PRKAG2: variants seen among roughly 807,000 people sequenced by gnomAD.
PRKAG2 encodes the protein protein kinase AMP-activated non-catalytic subunit gamma 2.
PRKAG2 carries 26 observed loss-of-function variants against 69.6 expected under a neutral mutation model. The ratio of observed to expected loss-of-function variants is 0.37; its 90% confidence interval spans 0.27 to 0.52. The LOEUF (loss-of-function observed/expected upper bound fraction) is 0.52. PRKAG2 is among the 20% of genes least tolerant of loss of function. PRKAG2 has a pLI of 0.90. For missense variants in PRKAG2, 557 were observed against 740.0 expected, an observed-to-expected ratio of 0.75 and a Z score of 2.87; for synonymous variants, 293 against 285.0, an observed-to-expected ratio of 1.03 and a Z score of -0.28.
At chr7:151,863,164 G>T (rs2079979052) in intron 1 of PRKAG2, among the ~76,000 whole-genome samples, 1 of 151,460 alleles carries the variant, frequency 6.6e-6, no homozygotes, top group African/African-American at 2.4e-5. Flanking sequence ...GGTACAGGGG[G>T]CGCTGGTAGA....
At chr7:151,786,402 C>T in intron 2 of PRKAG2, 68 bp downstream of exon 2, 1 of 1,451,002 alleles carries the variant, frequency 6.9e-7, no homozygotes, top group South Asian at 1.2e-5. Flanking sequence ...TGGAAGTGGG[C>T]TCAGGCTCTG....
Position 151,828,368 on chromosome 7 carries a change from C to T in PRKAG2, c.115-41827G>A, listed in dbSNP as rs2078954730. ...GGTCTATGTTGTATTCATCTCTGCA[C>T]AGTTCCTGATAGACAGTGCATGCTC... On this transcript the variant is annotated intron_variant, in intron 1 of 15. Coordinates refer to ENST00000287878, the MANE Select transcript of PRKAG2 (RefSeq NM_016203.4). The surrounding 1 kb of genome is among the most constrained non-coding windows in gnomAD (Gnocchi z 4.6). Among the ~76,000 whole-genome samples the T allele has an allele frequency of 6.6e-6, 1 of 152,182 alleles. No homozygotes were observed. The highest frequency in any genetic ancestry group is 2.4e-5 in the African/African-American group (1 of 41,442).
chr7:151,803,146 T>TG (rs771242272), intron 1 of PRKAG2, among the ~76,000 whole-genome samples: 1 of 151,754 alleles, frequency 6.6e-6, no homozygotes, highest in Non-Finnish European at 1.5e-5. Flanking sequence ...TTAGTAGAGA[T>TG]GGGGTTTCAC....
intron 3 of PRKAG2, among the ~76,000 whole-genome samples, chr7:151,706,789 C>T (rs911604606): frequency 2.6e-5 from 4 of 152,238 alleles, no homozygotes; most frequent in Non-Finnish European, 2.9e-5. Flanking sequence ...GAATACGTTC[C>T]GGCAATGGCT....
At chr7:151,713,738 C>A (rs1247614499) in intron 3 of PRKAG2, among the ~76,000 whole-genome samples, 1 of 151,982 alleles carries the variant, frequency 6.6e-6, no homozygotes, top group Admixed American at 6.6e-5. Flanking sequence ...GGCCACCACA[C>A]CCAGTTAATT....
At chr7:151,875,565 GTGTGT>G (rs1563774126) in intron 1 of PRKAG2, among the ~76,000 whole-genome samples, 1,060 of 41,448 alleles carry the variant, frequency 0.026, 9 homozygotes, top group Non-Finnish European at 0.039. Context: ...GCACTCTGGT[GTGTGT>G]GTGTGTGTGT....
At chr7:151,782,251 C>A (rs1311287970) in intron 2 of PRKAG2, among the ~76,000 whole-genome samples, 3 of 150,770 alleles carry the variant, frequency 2.0e-5, no homozygotes, top group African/African-American at 7.3e-5. Flanking sequence ...CCATTGCACT[C>A]CAGCCTGGGC....
intron 1 of PRKAG2, among the ~76,000 whole-genome samples, chr7:151,873,975 T>C (rs2080282231): frequency 1.3e-5 from 2 of 149,720 alleles, no homozygotes; most frequent in African/African-American, 5.0e-5. Flanking sequence ...TATATGTATA[T>C]GATGTATATG....
At chr7:151,603,168 C>T (rs1281072684) in intron 5 of PRKAG2, among the ~76,000 whole-genome samples, 4 of 143,068 alleles carry the variant, frequency 2.8e-5, no homozygotes, top group African/African-American at 1.1e-4. Context: ...CCGTCCTCAC[C>T]GCACACGGAG....
chr7:151,785,927 C>T (rs895132561), intron 2 of PRKAG2, among the ~76,000 whole-genome samples: 3 of 152,146 alleles, frequency 2.0e-5, no homozygotes, highest in Non-Finnish European at 4.4e-5. Context: ...ACACTAGTTT[C>T]CTAATGGGAG....
intron 10 of PRKAG2, among the ~76,000 whole-genome samples, chr7:151,569,342 G>T (rs749992382): frequency 6.6e-6 from 1 of 152,266 alleles, no homozygotes; most frequent in African/African-American, 2.4e-5. Flanking sequence ...GCCAGGAAGA[G>T]GAGTTTTTTT....
rs573985250 is a variant in PRKAG2, at chr7:151,860,864, G to A, written c.114+15643C>T. ...CATGCCATGACCCTACTGGGGTCAC[G>A]TTAGGCTTGTGGTAGAGGGAGGTGC... On this transcript the variant is annotated intron_variant, in intron 1 of 15. Transcript: ENST00000287878. Among the ~76,000 whole-genome samples, 9 of 152,226 alleles carry A rather than the reference G, an allele frequency of 5.9e-5. No homozygotes were observed. In the East Asian group the frequency reaches 9.6e-4, roughly 16 times the overall value.
chr7:151,713,992 C>A (rs1215585461), intron 3 of PRKAG2, among the ~76,000 whole-genome samples: 1 of 152,124 alleles, frequency 6.6e-6, no homozygotes, highest in South Asian at 2.1e-4. Context: ...TTTGGGGGTT[C>A]AAGTCCAAGA....
At chr7:151,687,499 T>A (rs1036945814) in intron 3 of PRKAG2, among the ~76,000 whole-genome samples, 4 of 152,226 alleles carry the variant, frequency 2.6e-5, no homozygotes, top group African/African-American at 7.2e-5. Context: ...ATTTGTGGAA[T>A]CACAAAAGCA....
intron 1 of PRKAG2, among the ~76,000 whole-genome samples, chr7:151,865,119 G>A (rs1323137584): frequency 1.3e-5 from 2 of 152,234 alleles, no homozygotes; most frequent in African/African-American, 4.8e-5. Flanking sequence ...TCCACAGGCA[G>A]AGTCTGTCCC....
chr7:151,778,980 A>ACC (rs1010899865), intron 3 of PRKAG2, among the ~76,000 whole-genome samples: 4 of 151,798 alleles, frequency 2.6e-5, no homozygotes, highest in South Asian at 2.1e-4. Context: ...ACACACACAC[A>ACC]CCCATATATG....
intron 3 of PRKAG2, among the ~76,000 whole-genome samples, chr7:151,726,991 G>A (rs952669454): frequency 7.2e-5 from 11 of 152,042 alleles, no homozygotes; most frequent in African/African-American, 1.7e-4. Flanking sequence ...CAAGGCGGGC[G>A]GATCACCTGA....
intron 3 of PRKAG2, among the ~76,000 whole-genome samples, chr7:151,687,947 AG>A (rs1042957616): frequency 4.9e-4 from 72 of 148,156 alleles, no homozygotes; most frequent in African/African-American, 1.7e-3. Flanking sequence ...CCAGCTGCCA[AG>A]GGTGTATAGG....
At chr7:151,677,831 A>G (rs953895333) in intron 3 of PRKAG2, among the ~76,000 whole-genome samples, 6 of 152,092 alleles carry the variant, frequency 3.9e-5, no homozygotes, top group African/African-American at 9.7e-5. Flanking sequence ...CTGTCCATCA[A>G]TCTTCTTCCA....
Sources: gnomAD v4.1 joint callset for allele counts (sites outside exome capture counted in the v4.1 genomes callset) on GRCh38, gnomAD v4.1.1 for gene constraint, Gnocchi (gnomAD v3.1) non-coding constraint, MANE v1.5 for transcripts, NCBI Gene and HGNC (gene_info 2026-07-23, HGNC 2026-07-21) for gene names.